Variants in STXBP5 observed in about 807,000 individuals in gnomAD.
STXBP5 encodes the protein syntaxin binding protein 5, also known as syntaxin-binding protein 5.
In STXBP5, 50 loss-of-function variants were observed where a neutral mutation model predicts 152.4. The ratio of observed to expected loss-of-function variants is 0.33; its 90% CI spans 0.26 to 0.42. STXBP5 has a LOEUF of 0.42. Among genes scored for constraint, STXBP5 ranks in the 10% least tolerant of loss-of-function variants. The pLI is 1.00. For missense variants in STXBP5, 1,167 were observed against 1,388.6 expected (o/e 0.84, Z 2.54); for synonymous variants, 492 against 494.7 (o/e 0.99, Z 0.07).
intron 21 of STXBP5, among the ~76,000 whole-genome samples, chr6:147,341,372 G>A (rs1784085656): frequency 6.6e-6 from 1 of 152,144 alleles, no homozygotes; most frequent in Non-Finnish European, 1.5e-5. Context: ...GGTGTCAAAA[G>A]TATTAGGACT....
At chr6:147,223,695 T>C (rs1777572959) in intron 2 of STXBP5, among the ~76,000 whole-genome samples, 1 of 152,202 alleles carries the variant, frequency 6.6e-6, no homozygotes, top group South Asian at 2.1e-4. Context: ...TCTTTAGAGC[T>C]TCTGATTCAG....
intron 4 of STXBP5, among the ~76,000 whole-genome samples, chr6:147,250,775 A>G (rs1198577070): frequency 6.6e-6 from 1 of 152,086 alleles, no homozygotes; most frequent in Non-Finnish European, 1.5e-5. Flanking sequence ...TATCTAATTT[A>G]TTAATATCAA....
chr6:147,251,104 G>T (rs903138733), intron 4 of STXBP5, among the ~76,000 whole-genome samples: 1 of 152,172 alleles, frequency 6.6e-6, no homozygotes, highest in Non-Finnish European at 1.5e-5. Context: ...ATCTCATTGG[G>T]ATTGGTTAGA....
chr6:147,339,518 T>A, intron 21 of STXBP5, 134 bp downstream of exon 21: 1 of 643,714 alleles, frequency 1.6e-6, no homozygotes. Flanking sequence ...TCTCTTGGGC[T>A]GTGTCTCTTC....
At chr6:147,373,144 A>T (rs1023678086) in intron 25 of STXBP5, among the ~76,000 whole-genome samples, 6 of 152,038 alleles carry the variant, frequency 3.9e-5, no homozygotes, top group Non-Finnish European at 7.4e-5. Flanking sequence ...AGGTGGGTGG[A>T]TCACTTGAGG....
intron 18 of STXBP5, chr6:147,328,570 G>GT (rs1562248866): frequency 3.1e-6 from 1 of 324,882 alleles, no homozygotes; most frequent in Non-Finnish European, 6.2e-6. Flanking sequence ...CCAAAGTTTT[G>GT]TTTTTCCATT....
chr6:147,273,608 G>C (rs1780287689), intron 7 of STXBP5, among the ~76,000 whole-genome samples: 1 of 152,052 alleles, frequency 6.6e-6, no homozygotes. Flanking sequence ...TTTGTGCTTT[G>C]CTAGCTCTCT....
chr6:147,270,983 C>T (rs1003173288), intron 7 of STXBP5, among the ~76,000 whole-genome samples: 1 of 151,908 alleles, frequency 6.6e-6, no homozygotes, highest in Admixed American at 6.6e-5. Context: ...ACAACAGCAG[C>T]GACTCAGAGA....
At chr6:147,290,431 G>A (rs73584551) in intron 8 of STXBP5, among the ~76,000 whole-genome samples, 2,536 of 152,272 alleles carry the variant, frequency 0.017, 54 homozygotes, top group African/African-American at 0.055. Context: ...GTATTATAAT[G>A]TGGACAGTGG....
At chr6:147,381,197 G>T (rs2128423024) in intron 26 of STXBP5, among the ~76,000 whole-genome samples, 1 of 152,152 alleles carries the variant, frequency 6.6e-6, no homozygotes, top group South Asian at 2.1e-4. Flanking sequence ...ATGAGATTTG[G>T]GTGGGGACAC....
intron 26 of STXBP5, among the ~76,000 whole-genome samples, chr6:147,379,815 T>C (rs1269819784): frequency 2.0e-5 from 3 of 152,088 alleles, no homozygotes; most frequent in South Asian, 2.1e-4. Flanking sequence ...AAGATCAATA[T>C]AGAAAATGAA....
chr6:147,324,855 A>T, intron 16 of STXBP5, 104 bp from the exon 17 acceptor site: 1 of 1,051,956 alleles, frequency 9.5e-7, no homozygotes, highest in Non-Finnish European at 1.2e-6. Flanking sequence ...TCTGATTTTT[A>T]TATATTTAAG....
chr6:147,350,510 A>T (rs1032314249), intron 21 of STXBP5, among the ~76,000 whole-genome samples: 1 of 152,212 alleles, frequency 6.6e-6, no homozygotes, highest in Non-Finnish European at 1.5e-5. Flanking sequence ...CTTTTATCTT[A>T]TAAATCACTG....
chr6:147,218,151 A>G (rs1026456624), intron 2 of STXBP5, among the ~76,000 whole-genome samples: 1 of 152,206 alleles, frequency 6.6e-6, no homozygotes, highest in Admixed American at 6.5e-5. Flanking sequence ...AGCCTCCTCC[A>G]TTATCAGCAG....
At chr6:147,360,394 A>G (rs1785010585) in intron 23 of STXBP5, among the ~76,000 whole-genome samples, 1 of 152,212 alleles carries the variant, frequency 6.6e-6, no homozygotes, top group Non-Finnish European at 1.5e-5. Context: ...CTTGGAACCA[A>G]CACAAATGGC....
chr6:147,271,627 G>T (rs2582925), intron 7 of STXBP5, among the ~76,000 whole-genome samples: 65,616 of 151,776 alleles, frequency 0.43, 14,446 homozygotes, highest in East Asian at 0.71. Context: ...AGTCCTGTAG[G>T]ATGCAGCTAA....
At chr6:147,292,397 C>T (rs1781324846) in intron 9 of STXBP5, 1 of 309,568 alleles carries the variant, frequency 3.2e-6, no homozygotes, top group Non-Finnish European at 6.3e-6. Flanking sequence ...CTTTGTGGTT[C>T]ATTTTCCTCA....
At chr6:147,297,562 C>T (rs1781591137) in intron 9 of STXBP5, among the ~76,000 whole-genome samples, 2 of 152,018 alleles carry the variant, frequency 1.3e-5, no homozygotes, top group Non-Finnish European at 2.9e-5. Flanking sequence ...CGTAATACTA[C>T]AATACTATGA....
chr6:147,319,483 TTTGAG>T (rs1410579330), intron 16 of STXBP5, among the ~76,000 whole-genome samples: 2 of 152,226 alleles, frequency 1.3e-5, no homozygotes, highest in Non-Finnish European at 2.9e-5. Context: ...ATTACATTGT[TTTGAG>T]TTACTTTAAT....
Sources: allele counts gnomAD v4.1 joint callset (sites outside exome capture counted in the v4.1 genomes callset), GRCh38; gene constraint gnomAD v4.1.1; transcripts MANE v1.5; gene names NCBI Gene and HGNC (gene_info 2026-07-23, HGNC 2026-07-21).